PTPRN2: variants seen among roughly 807,000 people sequenced by gnomAD.
PTPRN2 encodes receptor-type tyrosine-protein phosphatase N2.
In PTPRN2, 74 loss-of-function variants were observed where a neutral mutation model predicts 118.8. The ratio of observed to expected loss-of-function variants is 0.62; its 90% CI spans 0.52 to 0.76. The LOEUF is 0.76. PTPRN2 is among the 30% of genes least tolerant of loss of function. The probability of loss-of-function intolerance (pLI) is 0.00; values close to 1 mark genes in which losing one functional copy is unlikely to be tolerated. For synonymous variants in PTPRN2, 641 were observed against 608.0 expected, an observed-to-expected ratio of 1.05 and a Z score of -0.80; for missense variants, 1,481 against 1,394.4, an observed-to-expected ratio of 1.06 and a Z score of -0.99.
intron 3 of PTPRN2, among the ~76,000 whole-genome samples, chr7:158,293,755 T>TC (rs1403324159): frequency 5.2e-5 from 1 of 19,066 alleles, no homozygotes; most frequent in African/African-American, 2.0e-4. Context: ...AACTTTTTTG[T>TC]TAAAAAAAAA....
chr7:158,337,002 CACACTCTCACCATAAG>C (rs1805708103), intron 2 of PTPRN2, among the ~76,000 whole-genome samples: 1 of 80,162 alleles, frequency 1.2e-5, no homozygotes. Context: ...CACTCACACC[CACACTCTCACCATAAG>C]AGCTGTCACC....
chr7:158,180,319 G>GT (rs1196351842), intron 5 of PTPRN2, among the ~76,000 whole-genome samples: 1 of 152,194 alleles, frequency 6.6e-6, no homozygotes, highest in African/African-American at 2.4e-5. Context: ...TCTTTATTCT[G>GT]TTCCATTGGT....
chr7:158,379,312 T>C (rs59341406), intron 2 of PTPRN2, among the ~76,000 whole-genome samples: 3,099 of 152,212 alleles, frequency 0.02, 121 homozygotes, highest in African/African-American at 0.071. Context: ...AACACGCCTC[T>C]GCAGCAGTGG....
intron 5 of PTPRN2, among the ~76,000 whole-genome samples, chr7:158,191,147 C>T (rs979878732): frequency 1.1e-4 from 17 of 152,334 alleles, no homozygotes; most frequent in Middle Eastern, 3.4e-3. Flanking sequence ...CTCTACCTTT[C>T]GAGGTCTGTG....
At chr7:158,145,171 C>T (rs1024741483) in intron 6 of PTPRN2, among the ~76,000 whole-genome samples, 3 of 151,428 alleles carry the variant, frequency 2.0e-5, no homozygotes, top group African/African-American at 4.9e-5. Context: ...CTCACATCAT[C>T]GTGAGAAGGT....
At chr7:158,157,731 T>A (rs117522506) in intron 6 of PTPRN2, among the ~76,000 whole-genome samples, 1 of 151,360 alleles carries the variant, frequency 6.6e-6, no homozygotes, top group Non-Finnish European at 1.5e-5. Context: ...GTTCCCGCTA[T>A]ATAAGCCACA....
At chr7:158,270,887 A>T (rs188874321) in intron 3 of PTPRN2, among the ~76,000 whole-genome samples, 1 of 5,350 alleles carries the variant, frequency 1.9e-4, no homozygotes, top group African/African-American at 1.3e-3. Flanking sequence ...CACCTGGATG[A>T]CCCCCTCCAC....
At chr7:158,011,983 C>T (rs1346084164) in intron 11 of PTPRN2, among the ~76,000 whole-genome samples, 2 of 152,144 alleles carry the variant, frequency 1.3e-5, no homozygotes, top group African/African-American at 4.8e-5. Flanking sequence ...ATCAAATATT[C>T]CATAACTCAC....
chr7:157,666,498 T>C (rs1406869448), intron 13 of PTPRN2, among the ~76,000 whole-genome samples: 1 of 122,566 alleles, frequency 8.2e-6, no homozygotes, highest in Admixed American at 8.5e-5. Flanking sequence ...GCCATTAGTG[T>C]GTTAGAAAAA....
At chr7:157,555,340 A>G (rs1346791040) in intron 21 of PTPRN2, among the ~76,000 whole-genome samples, 3 of 152,262 alleles carry the variant, frequency 2.0e-5, no homozygotes, top group Non-Finnish European at 4.4e-5. Flanking sequence ...TATTAGTATT[A>G]AAGTATTAAA....
chr7:158,533,566 C>T lies in PTPRN2; in HGVS notation c.113-43781G>A, dbSNP rs562001032. Among the ~76,000 whole-genome samples the T allele has an allele frequency of 4.6e-5, 7 of 152,290 alleles. No individual in the cohort carries two copies. The South Asian group carries it at 1.2e-3, about 27-fold the overall frequency. ...GCGTGATGGGTCTCCCTGCAACACA[C>T]GAGGAGTCCCTATCCCAGGGGCCAG... On this transcript the variant is annotated intron_variant, in intron 1 of 22. Transcript: ENST00000389418.
intron 19 of PTPRN2, chr7:157,574,241 C>A (rs920476971): frequency 5.2e-6 from 2 of 382,118 alleles, no homozygotes; most frequent in Non-Finnish European, 1.2e-5. Flanking sequence ...GGTCACCGGG[C>A]GAGAGCGCAC....
At chr7:158,186,903 A>G (rs981480657) in intron 5 of PTPRN2, among the ~76,000 whole-genome samples, 5 of 152,250 alleles carry the variant, frequency 3.3e-5, no homozygotes, top group Non-Finnish European at 7.3e-5. Context: ...TGTATGTTAA[A>G]TATGTTTTTT....
intron 6 of PTPRN2, among the ~76,000 whole-genome samples, chr7:158,143,559 G>A (rs1053808748): frequency 6.6e-6 from 1 of 152,186 alleles, no homozygotes; most frequent in African/African-American, 2.4e-5. Context: ...GAAACAGGGA[G>A]GTGAGGAATG....
chr7:158,177,359 A>C (rs1201066595), intron 5 of PTPRN2, among the ~76,000 whole-genome samples: 1 of 151,982 alleles, frequency 6.6e-6, no homozygotes, highest in Non-Finnish European at 1.5e-5. Context: ...GGCCATTTGT[A>C]TATCTTTTTA....
chr7:158,300,988 T>A lies in PTPRN2; in HGVS notation c.277+15831A>T, dbSNP rs78706866. Among the ~76,000 whole-genome samples the A allele has an allele frequency of 5.9e-4, 90 of 152,358 alleles. 1 individual carries two copies. The East Asian group carries it at 0.016, about 27-fold the overall frequency. ...AGTTGTTCAGATTCTGCATGTGAATTAAATGTTCTTTCATTTGCATTTGAA... is the reference window on the plus strand; with the variant it reads ...AGTTGTTCAGATTCTGCATGTGAATAAAATGTTCTTTCATTTGCATTTGAA... On this transcript the variant is annotated intron_variant, in intron 3 of 22. Transcript: ENST00000389418.
chr7:157,899,775 C>T lies in PTPRN2; in HGVS notation c.1724-1038G>A, dbSNP rs113403277. On this transcript the variant is annotated intron_variant, in intron 11 of 22. Coordinates refer to ENST00000389418, the MANE Select transcript of PTPRN2 (RefSeq NM_002847.5). ...GTTTTTCCCTTTGAGCAAATGCATA[C>T]TATTTTCTACATATAACTAATTACC... Among the ~76,000 whole-genome samples, 587 of 152,276 alleles carry T rather than the reference C, an allele frequency of 3.9e-3. 3 individuals carry two copies. Among genetic ancestry groups the T allele is most frequent in the African/African-American group, 0.013 (549 of 41,550 alleles).
chr7:158,093,585 C>T lies in PTPRN2; in HGVS notation c.1644-12208G>A, dbSNP rs1046303066. On this transcript the variant is annotated intron_variant, in intron 10 of 22. Coordinates refer to ENST00000389418, the MANE Select transcript of PTPRN2 (RefSeq NM_002847.5). This position sits in a 1 kb window ranked among gnomAD's most constrained non-coding sequence, Gnocchi z 4.4. The stretch of plus-strand genomic sequence containing the variant: ...GAAAACCAATAAAAAAATGAGCTCA[C>T]GTCTGGCTGCTACAGAATTCTCTTT... 2.0e-5 allele frequency among the ~76,000 whole-genome samples: 3 copies of T among 152,224 alleles called. No homozygotes were observed. Among genetic ancestry groups the T allele is most frequent in the Non-Finnish European group, 2.9e-5 (2 of 68,046 alleles).
chr7:157,971,817 C>T (rs1434989), intron 11 of PTPRN2, among the ~76,000 whole-genome samples: 75,684 of 152,016 alleles, frequency 0.5, 18,989 homozygotes, highest in Admixed American at 0.56. Flanking sequence ...AAGAACTCCC[C>T]AGGGATGGTG....
Sources: allele counts gnomAD v4.1 joint callset (sites outside exome capture counted in the v4.1 genomes callset), GRCh38; gene constraint gnomAD v4.1.1; non-coding constraint Gnocchi (gnomAD v3.1); transcripts MANE v1.5; gene names NCBI Gene and HGNC (gene_info 2026-07-23, HGNC 2026-07-21).